The following GPC6 variants were observed in gnomAD, a reference collection of about 807,000 sequenced individuals.
GPC6 encodes the protein glypican 6.
GPC6 carries 14 observed loss-of-function variants against 55.2 expected under a neutral mutation model. The observed-to-expected ratio is 0.25, with a 90% CI of 0.17 to 0.40. The LOEUF (loss-of-function observed/expected upper bound fraction) is 0.40. Ranked by LOEUF, GPC6 falls within the 10% of genes least tolerant of loss-of-function variation. The pLI is 1.00. For missense variants in GPC6, 641 were observed against 708.5 expected, an observed-to-expected ratio of 0.90 and a Z score of 1.08; for synonymous variants, 278 against 259.6, an observed-to-expected ratio of 1.07 and a Z score of -0.68.
intron 4 of GPC6, among the ~76,000 whole-genome samples, chr13:94,268,388 A>G (rs761141077): frequency 6.6e-6 from 1 of 152,202 alleles, no homozygotes; most frequent in Non-Finnish European, 1.5e-5. Context: ...ATTGTCTTTT[A>G]GTAGCCCCAA....
At chr13:93,674,784 C>G (rs747552215) in intron 2 of GPC6, among the ~76,000 whole-genome samples, 1 of 152,156 alleles carries the variant, frequency 6.6e-6, no homozygotes, top group Non-Finnish European at 1.5e-5. Context: ...TGTGCCTAAA[C>G]CAGCCCTGGT....
At chr13:93,635,103 C>T (rs1879637883) in intron 2 of GPC6, among the ~76,000 whole-genome samples, 1 of 151,524 alleles carries the variant, frequency 6.6e-6, no homozygotes, top group Non-Finnish European at 1.5e-5. Context: ...TGGGTTTTCT[C>T]ACAAATTTGA....
intron 3 of GPC6, among the ~76,000 whole-genome samples, chr13:93,832,123 ATATAT>A (rs1184654714): frequency 1.0e-4 from 2 of 20,022 alleles, no homozygotes; most frequent in Admixed American, 1.7e-3. Context: ...AAAAAAAAAA[ATATAT>A]ATATATATAT....
chr13:93,663,724 C>T (rs1373011841), intron 2 of GPC6, among the ~76,000 whole-genome samples: 10 of 152,146 alleles, frequency 6.6e-5, no homozygotes, highest in Non-Finnish European at 1.5e-5. Flanking sequence ...TTCTTGTCTA[C>T]ACAACAAGAA....
chr13:93,680,343 TG>T (rs1881802747), intron 2 of GPC6, among the ~76,000 whole-genome samples: 1 of 152,164 alleles, frequency 6.6e-6, no homozygotes, highest in African/African-American at 2.4e-5. Context: ...GCCAACACCT[TG>T]CTTTTGGACT....
chr13:93,504,846 A>G (rs1355083049), intron 1 of GPC6, among the ~76,000 whole-genome samples: 1 of 152,190 alleles, frequency 6.6e-6, no homozygotes, highest in Non-Finnish European at 1.5e-5. Context: ...CAGGAAACTG[A>G]GCATCAGAAA....
chr13:94,396,659 C>T (rs953145358), intron 7 of GPC6, among the ~76,000 whole-genome samples: 1 of 152,186 alleles, frequency 6.6e-6, no homozygotes, highest in Admixed American at 6.5e-5. Flanking sequence ...TGGGAAATTG[C>T]ACTATGCAAG....
At chr13:94,173,653 C>T (rs1362913867) in intron 4 of GPC6, among the ~76,000 whole-genome samples, 1 of 152,128 alleles carries the variant, frequency 6.6e-6, no homozygotes, top group African/African-American at 2.4e-5. Flanking sequence ...AGCTAGCACA[C>T]CTCAAGGTGG....
chr13:94,348,807 A>G (rs765439005), intron 6 of GPC6, among the ~76,000 whole-genome samples: 3 of 152,056 alleles, frequency 2.0e-5, no homozygotes, highest in Non-Finnish European at 4.4e-5. Context: ...CTTGAGGACA[A>G]TCTCATCATG....
rs763441563 is a variant in GPC6, at chr13:93,544,535, AT to A, written c.161-724del. On this transcript the variant is annotated intron_variant, in intron 1 of 8. Transcript: ENST00000377047. The stretch of plus-strand genomic sequence containing the variant: ...TTCACATTTTATGCAATAACAGGCC[AT>A]TTTAATTTCATGAAGCAAAGGATTG... 5.7e-4 allele frequency among the ~76,000 whole-genome samples: 86 copies of A among 152,212 alleles called. 1 individual carries two copies. Among genetic ancestry groups the A allele is most frequent in the South Asian group, 4.1e-4 (2 of 4,832 alleles).
chr13:94,288,155 G>C (rs928252210), intron 5 of GPC6, among the ~76,000 whole-genome samples: 1 of 152,078 alleles, frequency 6.6e-6, no homozygotes, highest in Non-Finnish European at 1.5e-5. Flanking sequence ...GAACAGATCA[G>C]CAATTATATA....
intron 2 of GPC6, among the ~76,000 whole-genome samples, chr13:93,735,019 C>T (rs1883947941): frequency 1.3e-5 from 2 of 152,206 alleles, no homozygotes; most frequent in South Asian, 4.2e-4. Flanking sequence ...TATATAGCCT[C>T]TTATTGCTGA....
intron 4 of GPC6, among the ~76,000 whole-genome samples, chr13:94,052,338 A>G (rs1883978984): frequency 6.6e-6 from 1 of 152,202 alleles, no homozygotes; most frequent in Non-Finnish European, 1.5e-5. Context: ...CTTTGTCTAA[A>G]AAATGGTCTA....
At chr13:93,832,122 A>AATATAT (rs71126419) in intron 3 of GPC6, among the ~76,000 whole-genome samples, 1,189 of 12,016 alleles carry the variant, frequency 0.099, 94 homozygotes, top group Middle Eastern at 0.28. Flanking sequence ...AAAAAAAAAA[A>AATATAT]ATATATATAT....
intron 3 of GPC6, among the ~76,000 whole-genome samples, chr13:93,950,594 C>T (rs182080768): frequency 6.6e-6 from 1 of 152,294 alleles, no homozygotes; most frequent in African/African-American, 2.4e-5. Flanking sequence ...ATTGCTCCGT[C>T]TGATCCCTTG....
intron 2 of GPC6, among the ~76,000 whole-genome samples, chr13:93,706,988 G>A (rs1288777045): frequency 6.6e-6 from 1 of 151,784 alleles, no homozygotes; most frequent in Non-Finnish European, 1.5e-5. Flanking sequence ...CGTAGGTGTT[G>A]AGTGGTGAGG....
intron 1 of GPC6, among the ~76,000 whole-genome samples, chr13:93,381,318 C>A (rs1875158911): frequency 6.6e-6 from 1 of 152,038 alleles, no homozygotes; most frequent in South Asian, 2.1e-4. Context: ...AAGGCAAAAT[C>A]TTTACTAAGA....
intron 6 of GPC6, among the ~76,000 whole-genome samples, chr13:94,341,286 T>C (rs1878020908): frequency 6.6e-6 from 1 of 152,100 alleles, no homozygotes; most frequent in Non-Finnish European, 1.5e-5. Flanking sequence ...AATATCATGT[T>C]AAAGATTGTT....
At chr13:93,930,260 TATTGGAAACGAAAGG>T (rs1878093256) in intron 3 of GPC6, among the ~76,000 whole-genome samples, 2 of 139,018 alleles carry the variant, frequency 1.4e-5, no homozygotes, top group African/African-American at 5.7e-5. Flanking sequence ...TTTTAAAGGT[TATTGGAAACGAAAGG>T]TTTTTTTTTT....
Sources: gnomAD v4.1 joint callset for allele counts (sites outside exome capture counted in the v4.1 genomes callset) on GRCh38, gnomAD v4.1.1 for gene constraint, MANE v1.5 for transcripts, NCBI Gene and HGNC (gene_info 2026-07-23, HGNC 2026-07-21) for gene names.